RERE: variants seen among roughly 807,000 people sequenced by gnomAD.
RERE encodes arginine-glutamic acid dipeptide repeats.
In RERE, 40 loss-of-function variants were observed where a neutral mutation model predicts 146.1. The ratio of observed to expected loss-of-function variants is 0.27; its 90% CI spans 0.21 to 0.36. The LOEUF (loss-of-function observed/expected upper bound fraction) is 0.36, where lower values mean the gene tolerates loss of function less well. Among genes scored for constraint, RERE ranks in the 10% least tolerant of loss-of-function variants. The pLI is 1.00. For missense variants in RERE, 1,933 were observed against 2,138.7 expected, an observed-to-expected ratio of 0.90 and a Z score of 1.90; for synonymous variants, 1,003 against 866.0, an observed-to-expected ratio of 1.16 and a Z score of -2.78.
chr1:8,730,007 C>T (rs1224565633), intron 1 of RERE, among the ~76,000 whole-genome samples: 3 of 152,168 alleles, frequency 2.0e-5, no homozygotes, highest in Non-Finnish European at 4.4e-5. Context: ...TACACTGAAG[C>T]TCACACCTGA....
At chr1:8,585,419 C>T (rs1214754169) in intron 4 of RERE, among the ~76,000 whole-genome samples, 2 of 152,116 alleles carry the variant, frequency 1.3e-5, no homozygotes, top group Non-Finnish European at 2.9e-5. Context: ...AAATAATAAA[C>T]AGCCCAGCAG....
intron 10 of RERE, among the ~76,000 whole-genome samples, chr1:8,472,200 G>C (rs1644697339): frequency 6.6e-6 from 1 of 152,172 alleles, no homozygotes; most frequent in East Asian, 1.9e-4. Context: ...AGTAGAATTG[G>C]TAAATTTATC....
At chr1:8,663,952 G>A (rs1638512449) in intron 1 of RERE, among the ~76,000 whole-genome samples, 1 of 152,036 alleles carries the variant, frequency 6.6e-6, no homozygotes, top group South Asian at 2.1e-4. Flanking sequence ...CCAATTCCAG[G>A]AGGCCTCCCA....
intron 1 of RERE, among the ~76,000 whole-genome samples, chr1:8,674,466 C>T (rs1157981123): frequency 2.0e-5 from 3 of 152,272 alleles, no homozygotes; most frequent in Middle Eastern, 3.4e-3. Flanking sequence ...TAACACCAAG[C>T]AGGACTGAAG....
chr1:8,763,069 T>A (rs1640784730), intron 1 of RERE, among the ~76,000 whole-genome samples: 1 of 152,116 alleles, frequency 6.6e-6, no homozygotes, highest in Non-Finnish European at 1.5e-5. Flanking sequence ...ATCTGCAATA[T>A]ATAGCAGGTT....
chr1:8,563,478 A>C (rs1646102267), intron 4 of RERE, among the ~76,000 whole-genome samples: 1 of 152,188 alleles, frequency 6.6e-6, no homozygotes. Flanking sequence ...CCACCAGCTC[A>C]CAGCAGGGAT....
At chr1:8,401,703 T>A (rs553536291) in intron 12 of RERE, among the ~76,000 whole-genome samples, 1 of 151,294 alleles carries the variant, frequency 6.6e-6, no homozygotes, top group East Asian at 2.0e-4. Flanking sequence ...GAGGCTGCAG[T>A]GAGCCGTGAT....
At chr1:8,380,595 C>T (rs1260748181) in intron 12 of RERE, 1 of 338,950 alleles carries the variant, frequency 3.0e-6, no homozygotes, top group African/African-American at 2.2e-5. Context: ...GATCCACCTG[C>T]CTTGGCCTCC....
At chr1:8,597,571 G>T (rs1444207892) in intron 4 of RERE, among the ~76,000 whole-genome samples, 1 of 152,138 alleles carries the variant, frequency 6.6e-6, no homozygotes, top group South Asian at 2.1e-4. Flanking sequence ...CACGCAGATA[G>T]AAAAGAATTT....
At chr1:8,742,040 A>C (rs1361949802) in intron 1 of RERE, among the ~76,000 whole-genome samples, 4 of 152,222 alleles carry the variant, frequency 2.6e-5, no homozygotes, top group Non-Finnish European at 4.4e-5. Context: ...GCAGATGAGG[A>C]AAAAGACTGT....
intron 12 of RERE, among the ~76,000 whole-genome samples, chr1:8,383,283 C>T (rs1412209705): frequency 6.6e-6 from 1 of 151,444 alleles, no homozygotes; most frequent in Non-Finnish European, 1.5e-5. Flanking sequence ...CCTGTCTCCA[C>T]CCAGGTCCAG....
At chr1:8,399,837 T>C (rs1643187390) in intron 12 of RERE, among the ~76,000 whole-genome samples, 1 of 152,040 alleles carries the variant, frequency 6.6e-6, no homozygotes. Context: ...TGCATATCAT[T>C]TGTTGTACTT....
intron 1 of RERE, among the ~76,000 whole-genome samples, chr1:8,809,157 A>AAAAAAAAAAAAAT (rs985140466): frequency 1.4e-5 from 2 of 146,120 alleles, no homozygotes; most frequent in African/African-American, 5.5e-5. Flanking sequence ...AAAAAAAAAA[A>AAAAAAAAAAAAAT]AAAGTACTGA....
At chr1:8,634,272 C>T (rs1647069286) in intron 2 of RERE, among the ~76,000 whole-genome samples, 1 of 152,202 alleles carries the variant, frequency 6.6e-6, no homozygotes, top group African/African-American at 2.4e-5. Context: ...CAGTTATCTG[C>T]CCACTCAATG....
chr1:8,644,153 G>A (rs997580931), intron 2 of RERE, among the ~76,000 whole-genome samples: 1 of 152,178 alleles, frequency 6.6e-6, no homozygotes, highest in Non-Finnish European at 1.5e-5. Flanking sequence ...TCATTGTGGG[G>A]AATAACTTTA....
At chr1:8,416,833 C>T (rs897391527) in intron 12 of RERE, among the ~76,000 whole-genome samples, 8 of 152,148 alleles carry the variant, frequency 5.3e-5, no homozygotes, top group Admixed American at 5.2e-4. Flanking sequence ...CTAAACTTTA[C>T]AGTACTTTGG....
At position 8,575,561 on chromosome 1, in the gene RERE, A is replaced by AT. The variant is rs57463625; in HGVS notation, c.523-18039dup. Among the ~76,000 whole-genome samples, 598 of 98,630 alleles carry AT rather than the reference A, an allele frequency of 6.1e-3. 9 individuals are homozygous for AT. The highest frequency in any genetic ancestry group is 0.017 in the South Asian group (48 of 2,846). 64.7% of individuals were successfully genotyped at this position (98,630 alleles called of 152,430 possible). ...TATATATATATATATATATATATAT[A>AT]TTTTTTTTTTTTTTGGCAGAGACAG... On this transcript the variant is annotated intron_variant, in intron 4 of 22. Coordinates refer to ENST00000400908, the MANE Select transcript of RERE (RefSeq NM_001042681.2).
chr1:8,722,087 T>C (rs1412828492), intron 1 of RERE, among the ~76,000 whole-genome samples: 3 of 152,212 alleles, frequency 2.0e-5, no homozygotes, highest in South Asian at 2.1e-4. Context: ...ACTGCACTCA[T>C]TGGAATGCTT....
intron 1 of RERE, among the ~76,000 whole-genome samples, chr1:8,698,830 T>C (rs1453902680): frequency 6.6e-6 from 1 of 152,184 alleles, no homozygotes; most frequent in African/African-American, 2.4e-5. Context: ...AACACTTTAC[T>C]TTTATAATGA....
Sources: allele counts gnomAD v4.1 joint callset (sites outside exome capture counted in the v4.1 genomes callset), GRCh38; gene constraint gnomAD v4.1.1; transcripts MANE v1.5; gene names NCBI Gene and HGNC (gene_info 2026-07-23, HGNC 2026-07-21).